Variants in HGFAC observed in about 807,000 individuals in gnomAD.
The protein encoded by HGFAC is hepatocyte growth factor activator serine protease.
In HGFAC, 76 loss-of-function variants were observed where a neutral mutation model predicts 70.6. The observed-to-expected ratio is 1.08, with a 90% CI of 0.89 to 1.30. The LOEUF is 1.30. Ranked by LOEUF, HGFAC falls within the 50% of genes most tolerant of loss-of-function variation. The probability of loss-of-function intolerance (pLI) is 0.00; values close to 1 mark genes in which losing one functional copy is unlikely to be tolerated. For synonymous variants in HGFAC, 464 were observed against 405.3 expected, an observed-to-expected ratio of 1.14 and a Z score of -1.74; for missense variants, 1,044 against 933.7, an observed-to-expected ratio of 1.12 and a Z score of -1.54.
At position 3,445,301 on chromosome 4, in the gene HGFAC, G is replaced by C. The variant is rs1437192660; in HGVS notation, c.1053G>C (p.Val351=). 6.3e-7 allele frequency: 1 copy of C among 1,589,388 alleles called. No homozygotes were observed. The highest frequency in any genetic ancestry group is 1.1e-5 in the South Asian group (1 of 87,008). ...PDNDERPWCY[V]VKDSALSWEY... ...ATGACGAGAGGCCCTGGTGCTACGT[G>C]GTGAAGGACAGCGCGCTCTCCTGGG... Residue 351 remains valine (V), a synonymous_variant, in exon 9 of 14, where the codon GTG becomes GTC. Coordinates refer to ENST00000382774, the MANE Select transcript of HGFAC (RefSeq NM_001528.4).
chr4:3,447,460 G>C (rs1281461582), intron 10 of HGFAC, 32 bp from the exon 11 acceptor site: 6 of 1,610,324 alleles, frequency 3.7e-6, no homozygotes, highest in African/African-American at 1.3e-5. Flanking sequence ...GGGGAGGGCT[G>C]GTCCATGCAG....
rs1428836080 is a variant in HGFAC, at chr4:3,444,916, T to A, written c.939T>A (p.Asp313Glu). ...TCAGCTGCCTGGCCTGGAACTCCGA[T>A]CTGCTCTACCAGGAGCTGCACGTGG... ...SGLSCLAWNS[D>E]LLYQELHVDS... Residue 313 changes from aspartate (D) to glutamate (E), a missense_variant, in exon 8 of 14, where the codon GAT (aspartate) becomes GAA (glutamate). Transcript: ENST00000382774. 1 of 1,609,742 alleles carries A rather than the reference T, an allele frequency of 6.2e-7. No individual in the cohort carries two copies. The highest frequency in any genetic ancestry group is 8.5e-7 in the Non-Finnish European group (1 of 1,178,846).
intron 10 of HGFAC, 113 bp downstream of exon 10, chr4:3,446,407 C>T: frequency 7.2e-7 from 1 of 1,383,690 alleles, no homozygotes; most frequent in Non-Finnish European, 9.7e-7. Context: ...CTCTGCTGAC[C>T]CCTTCCCGGG....
chr4:3,447,675 C>T (rs760513968), intron 11 of HGFAC, 44 bp downstream of exon 11: 2 of 1,607,942 alleles, frequency 1.2e-6, no homozygotes, highest in South Asian at 2.2e-5. Context: ...CAGGTGGGCC[C>T]TGTGCTCCCC....
chr4:3,441,321 C>T (rs1417474172), upstream of HGFAC, among the ~76,000 whole-genome samples: 1 of 152,162 alleles, frequency 6.6e-6, no homozygotes, highest in Non-Finnish European at 1.5e-5. The surrounding 1 kb of genome is among the most constrained non-coding windows in gnomAD (Gnocchi z 6.0). Flanking sequence ...ACACTCTGAA[C>T]ATCACCAGGG....
chr4:3,441,973 C>A lies in HGFAC; in HGVS notation c.-29C>A. 1 of 1,323,244 alleles carries A rather than the reference C, an allele frequency of 7.6e-7. No homozygotes were observed. Among genetic ancestry groups the A allele is most frequent in the Non-Finnish European group, 1.0e-6 (1 of 997,648 alleles). 82.0% of individuals were successfully genotyped at this position (1,323,244 alleles called of 1,614,324 possible). A position where few individuals can be genotyped will look rare whatever the true frequency, so the allele number is the denominator to read the frequency against. ...GCCTTGGCCGCTCTGCTCCCGCCTC[C>A]CACTGCCCCTCAGGCCAGCTCAGGA... On this transcript the variant is annotated 5_prime_UTR_variant, in exon 1 of 14. Transcript: ENST00000382774. This position sits in a 1 kb window ranked among gnomAD's most constrained non-coding sequence, Gnocchi z 6.0.
intron 10 of HGFAC, 24 bp downstream of exon 10, chr4:3,446,318 C>T (rs1396448667): frequency 1.3e-6 from 2 of 1,593,900 alleles, no homozygotes; most frequent in South Asian, 2.2e-5. Flanking sequence ...GGGCCCCAGT[C>T]ACCTGCCCTG....
At position 3,447,383 on chromosome 4, in the gene HGFAC, C is replaced by T. The variant is rs1331962624; in HGVS notation, c.1356-109C>T. 4 of 1,289,792 alleles carry T rather than the reference C, an allele frequency of 3.1e-6. No homozygotes were observed. In the African/African-American group the frequency reaches 5.8e-5, roughly 19 times the overall value. The allele number at this position is 1,289,792 out of a possible 1,614,324, so 79.9% of individuals were successfully genotyped here. A position where few individuals can be genotyped will look rare whatever the true frequency, so the allele number is the denominator to read the frequency against. ...CACCTGCTCAGACCCCTCCCCGGGACCAGGGTCCCACACCATTGGCCTCCG... is the reference window on the plus strand; with the variant it reads ...CACCTGCTCAGACCCCTCCCCGGGATCAGGGTCCCACACCATTGGCCTCCG... On this transcript the variant is annotated intron_variant, in intron 10 of 13. Coordinates refer to ENST00000382774, the MANE Select transcript of HGFAC (RefSeq NM_001528.4).
chr4:3,446,325 C>A, intron 10 of HGFAC, 31 bp downstream of exon 10: 1 of 1,590,028 alleles, frequency 6.3e-7, no homozygotes. Flanking sequence ...AGTCACCTGC[C>A]CTGAGGCCCC....
chr4:3,442,089 C>T lies in HGFAC; in HGVS notation c.88C>T (p.Pro30Ser), dbSNP rs1348772497. Residue 30 changes from proline (P) to serine (S), a missense_variant, in exon 1 of 14, where the codon CCA (proline) becomes TCA (serine). By Grantham distance (74) the Pro-to-Ser change is moderately conservative (BLOSUM62 -1). Coordinates refer to ENST00000382774, the MANE Select transcript of HGFAC (RefSeq NM_001528.4). ...CCTCCTCCTGCTGCTGCTGCTGCTG[C>T]CACGGGGGTTCCAGCCCCAGCCTGG... ...LLLLLLLLLLPRGFQPQPGGN... is the reference protein window; with the variant it reads ...LLLLLLLLLLSRGFQPQPGGN... 1.3e-6 allele frequency: 2 copies of T among 1,560,296 alleles called. No individual in the cohort carries two copies. The highest frequency in any genetic ancestry group is 1.7e-6 in the Non-Finnish European group (2 of 1,164,716).
rs1725559574 is a variant in HGFAC at position 3,447,591 on chromosome 4, C to T, written c.1455C>T (p.Tyr485=). ...QTFGIEKYIP[Y]TLYSVFNPSD... Reference sequence around the variant, plus strand: ...TCGGCATCGAGAAGTACATCCCGTACACCCTGTACTCGGTGTTCAACCCCA... The same window carrying T: ...TCGGCATCGAGAAGTACATCCCGTATACCCTGTACTCGGTGTTCAACCCCA... Residue 485 remains tyrosine (Y), a synonymous_variant, in exon 11 of 14, where the codon TAC becomes TAT. Transcript: ENST00000382774. 1.2e-6 allele frequency: 2 copies of T among 1,612,706 alleles called. No homozygotes were observed. Among genetic ancestry groups the T allele is most frequent in the Non-Finnish European group, 1.7e-6 (2 of 1,179,908 alleles).
chr4:3,448,296 A>C lies in HGFAC; in HGVS notation c.1785+20A>C, dbSNP rs760224390. On this transcript the variant is annotated intron_variant, in intron 13 of 13. Transcript: ENST00000382774. ...TGCCAGGTGAGCTGGTGCCCGCCCC[A>C]CCAGGACCCGACTGGTGGGGGCTCA... 2.5e-6 allele frequency: 4 copies of C among 1,601,610 alleles called. No individual in the cohort carries two copies. The highest frequency in any genetic ancestry group is 3.4e-6 in the Non-Finnish European group (4 of 1,176,428).
chr4:3,445,339 T>G lies in HGFAC; in HGVS notation c.1091T>G (p.Leu364Arg). The change falls in exon 9 of 14, where the codon CTG becomes CGG. Residue 364 changes from leucine (L) to arginine (R), a missense_variant. By Grantham distance (102) the Leu-to-Arg change is moderately radical. Coordinates refer to ENST00000382774, the MANE Select transcript of HGFAC (RefSeq NM_001528.4). ...GCGCTCTCCTGGGAGTACTGCCGCC[T>G]GGAGGCCTGCGGTGCGCGGCTGGCG... ...DSALSWEYCR[L>R]EACESLTRVQ... 6.3e-7 allele frequency: 1 copy of G among 1,577,908 alleles called. No homozygotes were observed. Among genetic ancestry groups the G allele is most frequent in the Non-Finnish European group, 8.6e-7 (1 of 1,162,778 alleles).
At chr4:3,441,699 C>G (rs930221466), upstream of HGFAC, among the ~76,000 whole-genome samples, 1 of 152,248 alleles carries the variant, frequency 6.6e-6, no homozygotes, top group African/African-American at 2.4e-5. The surrounding 1 kb of genome is among the most constrained non-coding windows in gnomAD (Gnocchi z 6.0). Context: ...AGGCCCCAAC[C>G]TATCTGCATT....
At chr4:3,447,371 C>A (rs1475432293) in intron 10 of HGFAC, 121 bp from the exon 11 acceptor site, 1 of 1,118,800 alleles carries the variant, frequency 8.9e-7, no homozygotes, top group Non-Finnish European at 1.3e-6. Flanking sequence ...CTGCTCAGAC[C>A]CCTCCCCGGG....
Position 3,446,424 on chromosome 4 carries a change from G to A in HGFAC, c.1355+130G>A, listed in dbSNP as rs748817512. 2.4e-4 allele frequency: 285 copies of A among 1,208,298 alleles called. 1 individual carries two copies. The highest frequency in any genetic ancestry group is 2.5e-4 in the Non-Finnish European group (224 of 880,198). 74.8% of individuals were successfully genotyped at this position (1,208,298 alleles called of 1,614,324 possible). On this transcript the variant is annotated intron_variant, in intron 10 of 13. Transcript: ENST00000382774. The stretch of plus-strand genomic sequence containing the variant: ...CTGCTGACCCCTTCCCGGGGTCCCC[G>A]GTAACCCTCTCTGACCCCTCTGGGT...
rs1028916399 is a variant in HGFAC, at chr4:3,444,069, G to A, written c.506G>A (p.Cys169Tyr). Residue 169 changes from cysteine (C) to tyrosine (Y), a missense_variant, in exon 5 of 14, where the codon TGC (cysteine) becomes TAC (tyrosine). Coordinates refer to ENST00000382774, the MANE Select transcript of HGFAC (RefSeq NM_001528.4). ...CTGGATCCCTGTGCCTCCGGCCCCTGCCTCAATGGAGGCTCCTGCTCCAAT... is the reference window on the plus strand; with the variant it reads ...CTGGATCCCTGTGCCTCCGGCCCCTACCTCAATGGAGGCTCCTGCTCCAAT... ...AALDPCASGPCLNGGSCSNTQ... is the reference protein window; with the variant it reads ...AALDPCASGPYLNGGSCSNTQ... 2.5e-6 allele frequency: 4 copies of A among 1,610,394 alleles called. No homozygotes were observed. The highest frequency in any genetic ancestry group is 3.4e-5 in the Admixed American group (2 of 59,450).
At chr4:3,448,106 C>T in intron 12 of HGFAC, 22 bp from the exon 13 acceptor site, 1 of 1,575,690 alleles carries the variant, frequency 6.3e-7, no homozygotes, top group Non-Finnish European at 8.6e-7. Context: ...GGGTGTCACG[C>T]TGAGGGCATT....
intron 9 of HGFAC, 53 bp downstream of exon 9, chr4:3,445,403 T>C: frequency 7.7e-7 from 1 of 1,291,246 alleles, no homozygotes; most frequent in Non-Finnish European, 1.1e-6. Flanking sequence ...TCACAGCAGT[T>C]TTCCCCGTGA....
Sources: allele counts gnomAD v4.1 joint callset (sites outside exome capture counted in the v4.1 genomes callset), GRCh38; gene constraint gnomAD v4.1.1; non-coding constraint Gnocchi (gnomAD v3.1); transcripts MANE v1.5; gene names NCBI Gene and HGNC (gene_info 2026-07-23, HGNC 2026-07-21).